The following ABCA13 variants were observed in gnomAD, a reference collection of about 807,000 sequenced individuals.
ABCA13 encodes ATP binding cassette subfamily A member 13, also known as ATP-binding cassette sub-family A member 13.
In ABCA13, 476 loss-of-function variants were observed where a neutral mutation model predicts 478.7. The observed-to-expected ratio is 0.99, with a 90% confidence interval of 0.92 to 1.07. The LOEUF (loss-of-function observed/expected upper bound fraction) is 1.07. Among genes scored for constraint, ABCA13 ranks in the 50% least tolerant of loss-of-function variants. The pLI is 0.00. For synonymous variants in ABCA13, 2,252 were observed against 2,158.9 expected (o/e 1.04, Z -1.20); for missense variants, 6,060 against 5,910.6 (o/e 1.03, Z -0.83).
Position 48,276,237 on chromosome 7 carries a change from AATCAAG to A in ABCA13, c.6573_6578del (p.Asn2191_Glu2193delinsLys). On this transcript the variant is annotated inframe_deletion, in exon 17 of 62. Coordinates refer to ENST00000435803, the MANE Select transcript of ABCA13 (RefSeq NM_152701.5). ...TGTTGCCTTTCTTACCCATCTGCTA[AATCAAG>A]AACAGCTGACTAATTTCTCAGTTGT... is the stretch of plus-strand genomic sequence containing the variant. 1 of 1,575,224 alleles carries A rather than the reference AATCAAG, an allele frequency of 6.3e-7. No individual in the cohort carries two copies. Among genetic ancestry groups the A allele is most frequent in the Middle Eastern group, 1.8e-4 (1 of 5,698 alleles).
At chr7:48,502,651 G>T (rs139564741) in intron 48 of ABCA13, among the ~76,000 whole-genome samples, 487 of 152,274 alleles carry the variant, frequency 3.2e-3, no homozygotes, top group Middle Eastern at 0.017. Flanking sequence ...TGTGGTGTCT[G>T]CAGACTAAGG....
intron 55 of ABCA13, among the ~76,000 whole-genome samples, chr7:48,540,862 T>A (rs559559815): frequency 6.6e-6 from 1 of 152,194 alleles, no homozygotes; most frequent in East Asian, 1.9e-4. Flanking sequence ...CACATGCATT[T>A]TTATTATTAT....
chr7:48,579,331 G>A (rs576731860), intron 55 of ABCA13, among the ~76,000 whole-genome samples: 1 of 152,298 alleles, frequency 6.6e-6, no homozygotes, highest in African/African-American at 2.4e-5. Flanking sequence ...ATGAACAGAT[G>A]TATCACCAAA....
intron 58 of ABCA13, among the ~76,000 whole-genome samples, chr7:48,601,113 G>T (rs1010848340): frequency 2.0e-5 from 3 of 151,612 alleles, no homozygotes; most frequent in African/African-American, 4.9e-5. Context: ...CCCCTCTAGT[G>T]AATTTTTCCT....
intron 10 of ABCA13, among the ~76,000 whole-genome samples, chr7:48,242,478 C>T (rs1790997997): frequency 6.6e-6 from 1 of 152,054 alleles, no homozygotes; most frequent in South Asian, 2.1e-4. Flanking sequence ...TGCTCTGTTG[C>T]CCAGGCTGAA....
chr7:48,235,248 A>C (rs371101933), intron 8 of ABCA13, among the ~76,000 whole-genome samples: 1 of 152,224 alleles, frequency 6.6e-6, no homozygotes. Context: ...ACAGGACTTG[A>C]AATTGTGACC....
At chr7:48,509,843 C>T (rs1831522666) in intron 50 of ABCA13, among the ~76,000 whole-genome samples, 1 of 152,060 alleles carries the variant, frequency 6.6e-6, no homozygotes, top group Non-Finnish European at 1.5e-5. Flanking sequence ...AGAATGGAGC[C>T]CTCCTGAATG....
chr7:48,223,842 C>A (rs1386778658), intron 5 of ABCA13, among the ~76,000 whole-genome samples: 2 of 151,678 alleles, frequency 1.3e-5, no homozygotes, highest in Non-Finnish European at 2.9e-5. Context: ...GCCTATAATC[C>A]CAGCTACTCG....
chr7:48,372,123 A>G lies in ABCA13; in HGVS notation c.10804-45A>G, dbSNP rs1043415775. On this transcript the variant is annotated intron_variant, in intron 32 of 61. Transcript: ENST00000435803. ...CTACCATCTGATTTGTTCTTCCTCA[A>G]GTACGCATGCTGTGGTAACCTTGGG... 4.6e-6 allele frequency: 7 copies of G among 1,530,930 alleles called. 1 individual carries two copies. The Admixed American group carries it at 1.3e-4, about 30-fold the overall frequency. 94.8% of individuals were successfully genotyped at this position (1,530,930 alleles called of 1,614,324 possible). A position where few individuals can be genotyped will look rare whatever the true frequency, so the allele number is the denominator to read the frequency against.
Position 48,401,135 on chromosome 7 carries a change from A to T in ABCA13, c.11874-2548A>T, listed in dbSNP as rs554857709. ...CTCTCTCTTGGGTTTTCCAAATACA[A>T]TGTGGTTCTAATAATGAGAAGACCC... is the stretch of plus-strand genomic sequence containing the variant. On this transcript the variant is annotated intron_variant, in intron 38 of 61. Coordinates refer to ENST00000435803, the MANE Select transcript of ABCA13 (RefSeq NM_152701.5). Among the ~76,000 whole-genome samples the T allele has an allele frequency of 5.9e-5, 9 of 152,322 alleles. No homozygotes were observed. In the South Asian group the frequency reaches 1.9e-3, roughly 32 times the overall value.
intron 58 of ABCA13, among the ~76,000 whole-genome samples, chr7:48,599,212 G>A (rs925512868): frequency 2.0e-5 from 3 of 151,600 alleles, no homozygotes; most frequent in African/African-American, 7.3e-5. Flanking sequence ...TTATTTAGAA[G>A]TGTCATTCAA....
intron 32 of ABCA13, among the ~76,000 whole-genome samples, chr7:48,369,588 C>T (rs1025026203): frequency 2.2e-4 from 33 of 152,154 alleles, no homozygotes; most frequent in Non-Finnish European, 3.2e-4. Context: ...AGATGAGGAT[C>T]CAGTTTCATT....
At chr7:48,528,478 A>C in intron 55 of ABCA13, 133 bp downstream of exon 55, 2 of 615,528 alleles carry the variant, frequency 3.2e-6, no homozygotes. Flanking sequence ...TCCAATTACC[A>C]CTCCTCTGAT....
At chr7:48,458,761 G>A (rs1013999113) in intron 43 of ABCA13, among the ~76,000 whole-genome samples, 1 of 152,068 alleles carries the variant, frequency 6.6e-6, no homozygotes. Flanking sequence ...GCTCATAGAG[G>A]GTTTGAGCTT....
chr7:48,344,457 A>G (rs1405229007), intron 29 of ABCA13, among the ~76,000 whole-genome samples: 1 of 152,206 alleles, frequency 6.6e-6, no homozygotes, highest in African/African-American at 2.4e-5. Context: ...GTCCTCAGGT[A>G]TATACACTGA....
chr7:48,576,250 T>A (rs1050148669), intron 55 of ABCA13, among the ~76,000 whole-genome samples: 1 of 152,004 alleles, frequency 6.6e-6, no homozygotes, highest in African/African-American at 2.4e-5. Context: ...GGACTGTGAA[T>A]CAGGAGACCC....
chr7:48,337,740 A>G (rs1434710361), intron 28 of ABCA13, among the ~76,000 whole-genome samples: 1 of 152,238 alleles, frequency 6.6e-6, no homozygotes, highest in Non-Finnish European at 1.5e-5. Flanking sequence ...AGTGCAATGC[A>G]AGTACATGGA....
intron 31 of ABCA13, among the ~76,000 whole-genome samples, chr7:48,354,072 A>C (rs982581477): frequency 1.3e-5 from 2 of 152,056 alleles, no homozygotes; most frequent in Admixed American, 6.5e-5. Context: ...CAGACACTTC[A>C]TACCCAGTGC....
intron 49 of ABCA13, among the ~76,000 whole-genome samples, chr7:48,506,868 G>A (rs950758573): frequency 1.3e-5 from 2 of 152,140 alleles, no homozygotes; most frequent in African/African-American, 2.4e-5. Context: ...TCTTTGTAAA[G>A]GGTAGCATGC....
Sources: gnomAD v4.1 joint callset for allele counts (sites outside exome capture counted in the v4.1 genomes callset) on GRCh38, gnomAD v4.1.1 for gene constraint, MANE v1.5 for transcripts, NCBI Gene and HGNC (gene_info 2026-07-23, HGNC 2026-07-21) for gene names.